Variants in FOXP1 observed in about 807,000 individuals in gnomAD.
FOXP1 encodes the protein forkhead box P1.
A neutral mutation model predicts 98.2 loss-of-function variants in FOXP1; 15 were observed. That is an observed-to-expected ratio of 0.15 (90% CI 0.10 to 0.24). The LOEUF (loss-of-function observed/expected upper bound fraction) is 0.24, where lower values mean the gene tolerates loss of function less well. Ranked by LOEUF, FOXP1 falls within the 10% of genes least tolerant of loss-of-function variation. FOXP1 has a pLI of 1.00. For synonymous variants in FOXP1, 371 were observed against 314.5 expected (o/e 1.18, Z -1.90); for missense variants, 633 against 848.5 (o/e 0.75, Z 3.15).
chr3:71,551,672 T>C (rs945668599), intron 2 of FOXP1, among the ~76,000 whole-genome samples: 1 of 152,260 alleles, frequency 6.6e-6, no homozygotes, highest in Admixed American at 6.5e-5. Flanking sequence ...CAATTTTAAC[T>C]GTTTTGAATA....
chr3:71,184,984 G>C (rs898890078), intron 6 of FOXP1, among the ~76,000 whole-genome samples: 2 of 152,160 alleles, frequency 1.3e-5, no homozygotes, highest in Non-Finnish European at 2.9e-5. Flanking sequence ...CCTGAGGTCA[G>C]GAGTTCCAGA....
At chr3:71,132,672 A>C (rs959605657) in intron 6 of FOXP1, among the ~76,000 whole-genome samples, 14 of 152,200 alleles carry the variant, frequency 9.2e-5, no homozygotes, top group Admixed American at 2.0e-4. Context: ...TGGATTTTTA[A>C]AATTAGTGCC....
intron 2 of FOXP1, chr3:71,570,735 A>C (rs1020433826): frequency 6.6e-6 from 1 of 152,224 alleles, no homozygotes; most frequent in African/African-American, 2.4e-5. Context: ...TTGGACACAC[A>C]TAAAAATGAG....
chr3:71,065,042 C>G (rs999730057), intron 7 of FOXP1: 1 of 145,608 alleles, frequency 6.9e-6, no homozygotes, highest in South Asian at 1.9e-4. Flanking sequence ...CGCGCCGCGC[C>G]GCGCCGCGCC....
chr3:71,185,651 G>A (rs1424236394), intron 6 of FOXP1, among the ~76,000 whole-genome samples: 1 of 152,174 alleles, frequency 6.6e-6, no homozygotes, highest in Non-Finnish European at 1.5e-5. Flanking sequence ...TATGGTATAA[G>A]AAGACCTCTC....
At chr3:71,178,213 C>A (rs1202441936) in intron 6 of FOXP1, among the ~76,000 whole-genome samples, 2 of 150,988 alleles carry the variant, frequency 1.3e-5, no homozygotes, top group Admixed American at 6.6e-5. Context: ...CAGCTCCCTG[C>A]AACCTCCGCC....
intron 6 of FOXP1, among the ~76,000 whole-genome samples, chr3:71,136,354 G>C (rs4677010): frequency 2.6e-5 from 4 of 152,124 alleles, no homozygotes; most frequent in South Asian, 2.1e-4. Flanking sequence ...CGTCAACAGA[G>C]AGTACAAGGA....
At chr3:71,143,478 T>G (rs1437570403) in intron 6 of FOXP1, among the ~76,000 whole-genome samples, 1 of 152,172 alleles carries the variant, frequency 6.6e-6, no homozygotes, top group African/African-American at 2.4e-5. Context: ...ATTTGAATCC[T>G]AGCTTCACTC....
At chr3:71,057,841 A>G (rs2050898655) in intron 7 of FOXP1, among the ~76,000 whole-genome samples, 1 of 152,094 alleles carries the variant, frequency 6.6e-6, no homozygotes, top group Admixed American at 6.6e-5. Context: ...TGCTTGGGCC[A>G]TCACAGCTCT....
intron 3 of FOXP1, among the ~76,000 whole-genome samples, chr3:71,433,675 C>T (rs2084940665): frequency 6.6e-6 from 1 of 152,192 alleles, no homozygotes; most frequent in African/African-American, 2.4e-5. Flanking sequence ...GAGATAAGTT[C>T]TCCCCAGCTT....
chr3:71,334,440 G>A (rs1191570665), intron 4 of FOXP1: 2 of 152,006 alleles, frequency 1.3e-5, no homozygotes, highest in Non-Finnish European at 2.9e-5. Flanking sequence ...TCCCTGGAGA[G>A]GAAAGCAAAG....
At chr3:71,575,689 C>G (rs750800409) in intron 2 of FOXP1, among the ~76,000 whole-genome samples, 1 of 152,204 alleles carries the variant, frequency 6.6e-6, no homozygotes. Context: ...ACAAAAGCTG[C>G]GGTCACTGTC....
At chr3:70,984,934 G>T (rs1345984381) in intron 14 of FOXP1, among the ~76,000 whole-genome samples, 1 of 152,144 alleles carries the variant, frequency 6.6e-6, no homozygotes, top group African/African-American at 2.4e-5. Context: ...AACAATCTAA[G>T]AACGTTTTAG....
At chr3:71,168,791 T>G (rs1400678275) in intron 6 of FOXP1, among the ~76,000 whole-genome samples, 1 of 152,214 alleles carries the variant, frequency 6.6e-6, no homozygotes, top group Non-Finnish European at 1.5e-5. Flanking sequence ...TAGGCAAACA[T>G]TTGCACTGTT....
At chr3:70,998,973 A>G (rs939753067) in intron 13 of FOXP1, among the ~76,000 whole-genome samples, 1 of 152,226 alleles carries the variant, frequency 6.6e-6, no homozygotes, top group Non-Finnish European at 1.5e-5. Flanking sequence ...ATTCTAGTCA[A>G]CGATTTATTT....
chr3:71,195,778 G>A (rs1347493150), intron 6 of FOXP1, among the ~76,000 whole-genome samples: 1 of 152,128 alleles, frequency 6.6e-6, no homozygotes, highest in African/African-American at 2.4e-5. Context: ...CTCACTGCTG[G>A]TATTCTCACT....
At chr3:71,353,423 GC>G (rs943316156) in intron 4 of FOXP1, among the ~76,000 whole-genome samples, 1 of 152,002 alleles carries the variant, frequency 6.6e-6, no homozygotes, top group African/African-American at 2.4e-5. Context: ...TTTTAGAGAT[GC>G]AAAAAATCTG....
intron 3 of FOXP1, among the ~76,000 whole-genome samples, chr3:71,434,845 T>C (rs922418942): frequency 1.3e-5 from 2 of 152,080 alleles, no homozygotes; most frequent in South Asian, 4.1e-4. Flanking sequence ...CACACATGCC[T>C]GCACACACAC....
chr3:70,991,208 T>C (rs971116448), intron 13 of FOXP1, among the ~76,000 whole-genome samples: 1 of 152,140 alleles, frequency 6.6e-6, no homozygotes, highest in Non-Finnish European at 1.5e-5. Context: ...GTTTAAAGAA[T>C]GGAACAGAAA....
Sources: allele counts gnomAD v4.1 joint callset (sites outside exome capture counted in the v4.1 genomes callset), GRCh38; gene constraint gnomAD v4.1.1; transcripts MANE v1.5; gene names NCBI Gene and HGNC (gene_info 2026-07-23, HGNC 2026-07-21).